MKX: variants seen among roughly 807,000 people sequenced by gnomAD.
MKX encodes the protein homeobox protein Mohawk.
Under a neutral mutation model 36.0 loss-of-function variants are expected in MKX, and 13 were observed. That is an observed-to-expected ratio of 0.36 (90% confidence interval 0.24 to 0.57). The LOEUF (loss-of-function observed/expected upper bound fraction) is 0.57, where lower values mean the gene tolerates loss of function less well. MKX is among the 20% of genes least tolerant of loss of function. The pLI, the probability that MKX is intolerant of heterozygous loss-of-function variation, is 0.79. For synonymous variants in MKX, 176 were observed against 178.3 expected, an observed-to-expected ratio of 0.99 and a Z score of 0.10; for missense variants, 458 against 456.4, an observed-to-expected ratio of 1.00 and a Z score of -0.03.
chr10:27,673,315 A>G lies in MKX; in HGVS notation c.*1914T>C, dbSNP rs540160851. ...AGATGGCAAACATGAATCATGACTC[A>G]TTCAAATAAAATACAACCAGCATTC... On this transcript the variant is annotated 3_prime_UTR_variant, in exon 7 of 7. Transcript: ENST00000419761. 5.4e-4 allele frequency: 82 copies of G among 152,744 alleles called. No individual in the cohort carries two copies. The highest frequency in any genetic ancestry group is 1.9e-3 in the African/African-American group (78 of 41,594). The allele number at this position is 152,744 out of a possible 1,614,324, so 9.5% of individuals were successfully genotyped here. A position where few individuals can be genotyped will look rare whatever the true frequency, so the allele number is the denominator to read the frequency against.
At chr10:27,706,485 A>C (rs975546807) in intron 5 of MKX, among the ~76,000 whole-genome samples, 1 of 151,858 alleles carries the variant, frequency 6.6e-6, no homozygotes, top group African/African-American at 2.4e-5. Flanking sequence ...TGCCATTTAC[A>C]ATCCCAGCAG....
intron 5 of MKX, among the ~76,000 whole-genome samples, chr10:27,689,807 G>A (rs572200636): frequency 6.6e-6 from 1 of 152,228 alleles, no homozygotes; most frequent in South Asian, 2.1e-4. Flanking sequence ...AAAAGGAAGA[G>A]ACCGGTCACC....
rs1421971575 is a variant in MKX at position 27,743,437 on chromosome 10, G to A, written c.-22C>T. ...TCATGGTGTCGGTTGGTAGGGACGCGCGGCGCGGCCGCAGAGCCTCGGGGC... is the reference window on the plus strand; with the variant it reads ...TCATGGTGTCGGTTGGTAGGGACGCACGGCGCGGCCGCAGAGCCTCGGGGC... On this transcript the variant is annotated 5_prime_UTR_variant, in exon 2 of 7. Transcript: ENST00000419761. 6.6e-7 allele frequency: 1 copy of A among 1,519,636 alleles called. No individual in the cohort carries two copies. The highest frequency in any genetic ancestry group is 8.8e-7 in the Non-Finnish European group (1 of 1,137,752). 94.1% of individuals were successfully genotyped at this position (1,519,636 alleles called of 1,614,324 possible).
At chr10:27,703,329 A>T (rs1836693511) in intron 5 of MKX, among the ~76,000 whole-genome samples, 1 of 152,200 alleles carries the variant, frequency 6.6e-6, no homozygotes, top group African/African-American at 2.4e-5. Flanking sequence ...TGTAAATCAG[A>T]GAAATTAAAT....
Position 27,743,459 on chromosome 10 carries a change from G to A in MKX, c.-44C>T, listed in dbSNP as rs1300534556. 1 of 1,476,794 alleles carries A rather than the reference G, an allele frequency of 6.8e-7. No homozygotes were observed. 91.5% of individuals were successfully genotyped at this position (1,476,794 alleles called of 1,614,324 possible). A position where few individuals can be genotyped will look rare whatever the true frequency, so the allele number is the denominator to read the frequency against. On this transcript the variant is annotated 5_prime_UTR_variant, in exon 2 of 7. Coordinates refer to ENST00000419761, the MANE Select transcript of MKX (RefSeq NM_173576.3). ...CGCGCGGCGCGGCCGCAGAGCCTCG[G>A]GGCTGGGCCGCCGGGAGCTCCGCAG...
rs1231943132 is a variant in MKX at position 27,744,733 on chromosome 10, C to CAA, written c.-83+973_-83+974insTT. On this transcript the variant is annotated intron_variant, in intron 1 of 6. Transcript: ENST00000419761. This position sits in a 1 kb window ranked among gnomAD's most constrained non-coding sequence, Gnocchi z 5.6. The stretch of plus-strand genomic sequence containing the variant: ...GCATACACACACACACACACACACA[C>CAA]ACACACACACACCCTTTGCCTCGCC... The CAA allele has an allele frequency of 6.5e-6, 1 of 155,038 alleles. No individual in the cohort carries two copies. The highest frequency in any genetic ancestry group is 1.4e-5 in the Non-Finnish European group (1 of 70,626). 9.6% of individuals were successfully genotyped at this position (155,038 alleles called of 1,614,324 possible). A position where few individuals can be genotyped will look rare whatever the true frequency, so the allele number is the denominator to read the frequency against.
intron 5 of MKX, among the ~76,000 whole-genome samples, chr10:27,686,990 T>C (rs1836367650): frequency 6.8e-6 from 1 of 146,374 alleles, no homozygotes; most frequent in Non-Finnish European, 1.5e-5. Flanking sequence ...AGAATAAAAA[T>C]TAAAAGCCAC....
At position 27,672,963 on chromosome 10, in the gene MKX, A is replaced by G. The variant is rs996457670; in HGVS notation, c.*2266T>C. 15 of 152,232 alleles carry G rather than the reference A, an allele frequency of 9.9e-5. No homozygotes were observed. The highest frequency in any genetic ancestry group is 2.1e-4 in the Non-Finnish European group (14 of 68,040). The allele number at this position is 152,232 out of a possible 1,614,324, so 9.4% of individuals were successfully genotyped here. Reference sequence around the variant, plus strand: ...TTAAAATGATTACATATGGCAAAACAAAGAATAGAGGTAATTCTATTTCTC... The same window carrying G: ...TTAAAATGATTACATATGGCAAAACGAAGAATAGAGGTAATTCTATTTCTC... On this transcript the variant is annotated 3_prime_UTR_variant, in exon 7 of 7. Transcript: ENST00000419761.
At chr10:27,727,234 T>G (rs1834510830) in intron 5 of MKX, among the ~76,000 whole-genome samples, 1 of 152,224 alleles carries the variant, frequency 6.6e-6, no homozygotes, top group South Asian at 2.1e-4. Context: ...TTATAAGCTA[T>G]ATAGTATGAT....
At chr10:27,700,487 C>T (rs1469522944) in intron 5 of MKX, among the ~76,000 whole-genome samples, 1 of 152,178 alleles carries the variant, frequency 6.6e-6, no homozygotes, top group Non-Finnish European at 1.5e-5. Flanking sequence ...CTGTATCTTA[C>T]ACTAAATGCA....
intron 5 of MKX, among the ~76,000 whole-genome samples, chr10:27,685,247 A>G (rs1015677056): frequency 6.6e-6 from 1 of 151,970 alleles, no homozygotes; most frequent in South Asian, 2.1e-4. Flanking sequence ...ATGAAAGCCT[A>G]TGGCAACAGA....
chr10:27,682,023 C>T (rs758731591), intron 5 of MKX, among the ~76,000 whole-genome samples: 4 of 152,060 alleles, frequency 2.6e-5, no homozygotes, highest in Non-Finnish European at 4.4e-5. Context: ...CAGCTCCATG[C>T]GTGTTATTGC....
At chr10:27,687,771 T>C (rs778498815) in intron 5 of MKX, among the ~76,000 whole-genome samples, 2 of 152,242 alleles carry the variant, frequency 1.3e-5, no homozygotes, top group African/African-American at 4.8e-5. Flanking sequence ...AAGTTTAAAA[T>C]GTTCAGCCTG....
intron 1 of MKX, 71 bp from the exon 2 acceptor site, chr10:27,743,568 G>A: frequency 2.4e-6 from 2 of 842,660 alleles, no homozygotes; most frequent in Non-Finnish European, 3.4e-6. Flanking sequence ...TCAGGGCCTT[G>A]AACTTGGCCG....
Position 27,674,277 on chromosome 10 carries a change from C to T in MKX, c.*952G>A, listed in dbSNP as rs1163563896. The T allele has an allele frequency of 6.6e-6, 1 of 152,326 alleles. No homozygotes were observed. The highest frequency in any genetic ancestry group is 1.5e-5 in the Non-Finnish European group (1 of 68,012). The allele number at this position is 152,326 out of a possible 1,614,324, so 9.4% of individuals were successfully genotyped here. Reference sequence around the variant, plus strand: ...CATTTCTTTCATTCTGTTGTTCTCGCTGCAATACAAATTGTCCATCAGCAA... The same window carrying T: ...CATTTCTTTCATTCTGTTGTTCTCGTTGCAATACAAATTGTCCATCAGCAA... On this transcript the variant is annotated 3_prime_UTR_variant, in exon 7 of 7. Coordinates refer to ENST00000419761, the MANE Select transcript of MKX (RefSeq NM_173576.3).
intron 5 of MKX, among the ~76,000 whole-genome samples, chr10:27,678,312 C>T (rs1343949501): frequency 6.6e-6 from 1 of 152,156 alleles, no homozygotes; most frequent in East Asian, 1.9e-4. Flanking sequence ...ATGAGTTAGG[C>T]CTTTGCTCCG....
chr10:27,689,014 C>T (rs1324802592), intron 5 of MKX, among the ~76,000 whole-genome samples: 1 of 152,230 alleles, frequency 6.6e-6, no homozygotes, highest in Non-Finnish European at 1.5e-5. Flanking sequence ...TATTTTCAAA[C>T]TCCTCAGTAT....
chr10:27,682,928 G>A (rs1038301239), intron 5 of MKX, among the ~76,000 whole-genome samples: 2 of 151,564 alleles, frequency 1.3e-5, no homozygotes, highest in Non-Finnish European at 2.9e-5. Flanking sequence ...GCAGTGAGCC[G>A]AGATCTCATC....
rs183448401 is a variant in MKX at position 27,721,603 on chromosome 10, C to T, written c.838+12853G>A. The stretch of plus-strand genomic sequence containing the variant: ...GAACATGTGGACATAGGGAGGGTAA[C>T]AACACACACTAGGGCCTGTCATGGG... On this transcript the variant is annotated intron_variant, in intron 5 of 6. Coordinates refer to ENST00000419761, the MANE Select transcript of MKX (RefSeq NM_173576.3). 1.2e-3 allele frequency among the ~76,000 whole-genome samples: 190 copies of T among 152,152 alleles called. 1 individual carries two copies. The highest frequency in any genetic ancestry group is 4.2e-3 in the African/African-American group (175 of 41,512).
Sources: allele counts gnomAD v4.1 joint callset (sites outside exome capture counted in the v4.1 genomes callset), GRCh38; gene constraint gnomAD v4.1.1; non-coding constraint Gnocchi (gnomAD v3.1); transcripts MANE v1.5; gene names NCBI Gene and HGNC (gene_info 2026-07-23, HGNC 2026-07-21).